The following DDX6 variants were observed in gnomAD, a reference collection of about 807,000 sequenced individuals.
The protein encoded by DDX6 is probable ATP-dependent RNA helicase DDX6.
In DDX6, 7 loss-of-function variants were observed where a neutral mutation model predicts 60.6. That is an observed-to-expected ratio of 0.12 (90% CI 0.07 to 0.22). The LOEUF is 0.22. Among genes scored for constraint, DDX6 ranks in the 10% least tolerant of loss-of-function variants. DDX6 has a pLI of 1.00. For synonymous variants in DDX6, 207 were observed against 201.0 expected (o/e 1.03, Z -0.25); for missense variants, 270 against 589.9 (o/e 0.46, Z 5.62).
At chr11:118,778,637 T>C (rs1047270128) in intron 4 of DDX6, among the ~76,000 whole-genome samples, 1 of 152,124 alleles carries the variant, frequency 6.6e-6, no homozygotes, top group Non-Finnish European at 1.5e-5. Flanking sequence ...GCACCCCAGA[T>C]TGCTTATTCG....
chr11:118,788,804 C>T (rs892871024), intron 1 of DDX6: 2 of 152,070 alleles, frequency 1.3e-5, no homozygotes, highest in African/African-American at 4.8e-5. Context: ...ATCCTCATGC[C>T]TTAGCCTCCC....
At chr11:118,761,443 CCT>C (rs1861162530) in intron 7 of DDX6, among the ~76,000 whole-genome samples, 1 of 152,008 alleles carries the variant, frequency 6.6e-6, no homozygotes, top group Admixed American at 6.6e-5. Context: ...ATGGAGAAAC[CCT>C]GTCTCTGCTA....
At chr11:118,777,750 G>A (rs918260711) in intron 4 of DDX6, among the ~76,000 whole-genome samples, 2 of 152,056 alleles carry the variant, frequency 1.3e-5, no homozygotes, top group Admixed American at 6.6e-5. Flanking sequence ...TTAGTTAGGT[G>A]TGGTAGCACA....
intron 13 of DDX6, among the ~76,000 whole-genome samples, chr11:118,752,489 T>C (rs1323393958): frequency 4.6e-5 from 7 of 152,050 alleles, no homozygotes; most frequent in African/African-American, 1.7e-4. Flanking sequence ...TAAGTAACAA[T>C]TGGTTGGGTG....
At chr11:118,786,857 A>C (rs1345828938) in intron 1 of DDX6, 3 of 152,302 alleles carry the variant, frequency 2.0e-5, no homozygotes, top group African/African-American at 4.8e-5. Flanking sequence ...TCTAAAAGTC[A>C]GTGATTCATT....
chr11:118,785,204 CAAAT>C (rs1196118619), intron 2 of DDX6, among the ~76,000 whole-genome samples: 3 of 152,102 alleles, frequency 2.0e-5, no homozygotes, highest in African/African-American at 4.8e-5. Context: ...TTAAAAGTAA[CAAAT>C]AGCCTACATA....
At chr11:118,784,995 C>A (rs6421568) in intron 2 of DDX6, among the ~76,000 whole-genome samples, 1 of 152,132 alleles carries the variant, frequency 6.6e-6, no homozygotes, top group African/African-American at 2.4e-5. Flanking sequence ...CTCGAACTCC[C>A]GACCTCAGGT....
chr11:118,782,083 T>C (rs1312802905), intron 2 of DDX6, among the ~76,000 whole-genome samples: 4 of 151,966 alleles, frequency 2.6e-5, no homozygotes, highest in Non-Finnish European at 5.9e-5. Flanking sequence ...CATGGTGGCA[T>C]GTGCCTGTAA....
At chr11:118,784,310 G>C (rs758848751) in intron 2 of DDX6, among the ~76,000 whole-genome samples, 3 of 151,938 alleles carry the variant, frequency 2.0e-5, no homozygotes, top group Non-Finnish European at 4.4e-5. Context: ...AACCACATAC[G>C]GTAACTATAT....
chr11:118,754,895 AC>A lies in DDX6; in HGVS notation c.1277-9del. 6.3e-7 allele frequency: 1 copy of A among 1,588,756 alleles called. No homozygotes were observed. Among genetic ancestry groups the A allele is most frequent in the African/African-American group, 1.4e-5 (1 of 73,314 alleles). On this transcript the variant is annotated splice_polypyrimidine_tract_variant and intron_variant, in intron 12 of 13. Coordinates refer to ENST00000534980, the MANE Select transcript of DDX6 (RefSeq NM_004397.6). ...CAAGATGACCAAAGCGACCTAAAAA[AC>A]ATGCGTTTAAAAATTTTAATGAATA...
In DDX6 at chr11:118,751,065, A is replaced by ATG. The variant is rs1243756279; in HGVS notation, c.*1038_*1039dup. On this transcript the variant is annotated 3_prime_UTR_variant, in exon 14 of 14. Transcript: ENST00000534980. ...TTCATCCAAAAAAAAATATATATAT[A>ATG]TGTATATATATATATATATATGAAC... is the stretch of plus-strand genomic sequence containing the variant. 3.4e-4 allele frequency: 39 copies of ATG among 114,072 alleles called. No individual in the cohort carries two copies. The highest frequency in any genetic ancestry group is 1.6e-3 in the South Asian group (5 of 3,206). 7.1% of individuals were successfully genotyped at this position (114,072 alleles called of 1,614,324 possible). A position where few individuals can be genotyped will look rare whatever the true frequency, so the allele number is the denominator to read the frequency against.
rs1555160617 is a variant in DDX6 at position 118,763,204 on chromosome 11, G to A, written c.741+8C>T. Reference sequence around the variant, plus strand: ...AGAACAGTATAATGCCAAATGAAGAGACATTACCTCATCCAATACTATCAT... The same window carrying A: ...AGAACAGTATAATGCCAAATGAAGAAACATTACCTCATCCAATACTATCAT... On this transcript the variant is annotated splice_region_variant and intron_variant, in intron 7 of 13. Coordinates refer to ENST00000534980, the MANE Select transcript of DDX6 (RefSeq NM_004397.6). 1 of 1,581,356 alleles carries A rather than the reference G, an allele frequency of 6.3e-7. No homozygotes were observed. The highest frequency in any genetic ancestry group is 8.6e-7 in the Non-Finnish European group (1 of 1,162,290).
chr11:118,751,986 T>C lies in DDX6; in HGVS notation c.*119A>G, dbSNP rs1591877675. ...TAAAAAAAGAAAATGTCTGAGCTCTTTTAAGTCTTCATAGTTCCAAAATAA... is the reference window on the plus strand; with the variant it reads ...TAAAAAAAGAAAATGTCTGAGCTCTCTTAAGTCTTCATAGTTCCAAAATAA... On this transcript the variant is annotated 3_prime_UTR_variant, in exon 14 of 14. Coordinates refer to ENST00000534980, the MANE Select transcript of DDX6 (RefSeq NM_004397.6). The C allele has an allele frequency of 2.8e-6, 1 of 354,826 alleles. No individual in the cohort carries two copies. Among genetic ancestry groups the C allele is most frequent in the Non-Finnish European group, 5.3e-6 (1 of 186,946 alleles). The allele number at this position is 354,826 out of a possible 1,614,324, so 22.0% of individuals were successfully genotyped here.
intron 3 of DDX6, among the ~76,000 whole-genome samples, chr11:118,780,203 A>C (rs1429653237): frequency 6.6e-6 from 1 of 151,350 alleles, no homozygotes; most frequent in Admixed American, 6.6e-5. Context: ...AAATATATGC[A>C]GATTACTTGT....
chr11:118,768,410 T>C, intron 4 of DDX6, 58 bp from the exon 5 acceptor site: 3 of 1,576,766 alleles, frequency 1.9e-6, no homozygotes, highest in Non-Finnish European at 2.6e-6. Context: ...AGCAAATTCC[T>C]CTCTGAAATA....
rs925009645 is a variant in DDX6 at position 118,791,133 on chromosome 11, T to C, written c.-303A>G. On this transcript the variant is annotated 5_prime_UTR_variant, in exon 1 of 14. Transcript: ENST00000534980. ...GCCCGCTCTCGTGGCGCCGCCGAAG[T>C]CGCCGCCTGGCTGAGCTAACTCGGC... The C allele has an allele frequency of 2.0e-5, 3 of 151,600 alleles. No individual in the cohort carries two copies. Among genetic ancestry groups the C allele is most frequent in the Non-Finnish European group, 2.9e-5 (2 of 67,990 alleles). 9.4% of individuals were successfully genotyped at this position (151,600 alleles called of 1,614,324 possible). A position where few individuals can be genotyped will look rare whatever the true frequency, so the allele number is the denominator to read the frequency against.
At chr11:118,759,588 C>T (rs1268607813) in intron 8 of DDX6, among the ~76,000 whole-genome samples, 1 of 152,168 alleles carries the variant, frequency 6.6e-6, no homozygotes, top group Non-Finnish European at 1.5e-5. Context: ...GTTTCAAATT[C>T]TGCAGTATTT....
At chr11:118,763,974 T>TC (rs1398343064) in intron 6 of DDX6, among the ~76,000 whole-genome samples, 3 of 152,122 alleles carry the variant, frequency 2.0e-5, no homozygotes, top group Non-Finnish European at 2.9e-5. Context: ...AATATTTGTT[T>TC]CACCTCTACA....
chr11:118,750,047 CAG>C lies in DDX6; in HGVS notation c.*2056_*2057del, dbSNP rs1393087236. 2 of 152,384 alleles carry C rather than the reference CAG, an allele frequency of 1.3e-5. No individual in the cohort carries two copies. The highest frequency in any genetic ancestry group is 2.9e-5 in the Non-Finnish European group (2 of 68,014). The allele number at this position is 152,384 out of a possible 1,614,324, so 9.4% of individuals were successfully genotyped here. On this transcript the variant is annotated 3_prime_UTR_variant, in exon 14 of 14. Transcript: ENST00000534980. Reference sequence around the variant, plus strand: ...CGCAAATAGTTTGCTCAGAAGTAGGCAGAGTCAAAAAAGCAACTTCAAGTAAT... The same window carrying C: ...CGCAAATAGTTTGCTCAGAAGTAGGCAGTCAAAAAAGCAACTTCAAGTAAT...
Sources: gnomAD v4.1 joint callset for allele counts (sites outside exome capture counted in the v4.1 genomes callset) on GRCh38, gnomAD v4.1.1 for gene constraint, MANE v1.5 for transcripts, NCBI Gene and HGNC (gene_info 2026-07-23, HGNC 2026-07-21) for gene names.